The following NFKBID variants were observed in gnomAD, a reference collection of about 807,000 sequenced individuals.
The protein encoded by NFKBID is NFKB inhibitor delta.
NFKBID carries 26 observed loss-of-function variants against 53.4 expected under a neutral mutation model. The observed-to-expected ratio is 0.49, with a 90% CI of 0.36 to 0.68. The LOEUF is 0.68. Among genes scored for constraint, NFKBID ranks in the 30% least tolerant of loss-of-function variants. The pLI is 0.00. For missense variants in NFKBID, 493 were observed against 614.1 expected, an observed-to-expected ratio of 0.80 and a Z score of 2.08; for synonymous variants, 262 against 259.8, an observed-to-expected ratio of 1.01 and a Z score of -0.08.
upstream of NFKBID, chr19:35,902,205 C>T (rs1490892981): frequency 4.3e-6 from 3 of 703,152 alleles, no homozygotes; most frequent in Admixed American, 6.0e-5. Context: ...TTCATCTCTG[C>T]CAGCAGACAC....
At chr19:35,898,674 G>A (rs570942072) in intron 2 of NFKBID, 45 bp downstream of exon 2, 77 of 1,507,968 alleles carry the variant, frequency 5.1e-5, no homozygotes, top group Admixed American at 2.4e-4. Flanking sequence ...GAGTCCCTAC[G>A]GGACAGCACG....
At position 35,896,132 on chromosome 19, in the gene NFKBID, C is replaced by A. The variant is rs1975126492; in HGVS notation, c.884-4G>T. 2 of 1,613,944 alleles carry A rather than the reference C, an allele frequency of 1.2e-6. No homozygotes were observed. The highest frequency in any genetic ancestry group is 1.7e-6 in the Non-Finnish European group (2 of 1,179,960). The stretch of plus-strand genomic sequence containing the variant: ...GCCGTGTGGAGCGGGGTGAGGCCTG[C>A]AGAATGGAGACAGTGAGGGACCCGC... On this transcript the variant is annotated splice_region_variant and splice_polypyrimidine_tract_variant and intron_variant, in intron 8 of 11. Transcript: ENST00000641389. This position sits in a 1 kb window ranked among gnomAD's most constrained non-coding sequence, Gnocchi z 5.7.
chr19:35,900,674 G>A (rs1568499317), upstream of NFKBID: 2 of 1,222,280 alleles, frequency 1.6e-6, no homozygotes, highest in African/African-American at 1.6e-5. Flanking sequence ...TGGGCGCGGC[G>A]GACTTGGGAG....
intron 9 of NFKBID, chr19:35,890,710 A>G (rs1323928605): frequency 3.4e-6 from 2 of 582,290 alleles, no homozygotes; most frequent in African/African-American, 3.7e-5. Context: ...CAAAAAATAG[A>G]AAAATTAGCC....
chr19:35,888,314 C>G, exon 12 of NFKBID: 2 of 524,120 alleles, frequency 3.8e-6, no homozygotes, highest in Non-Finnish European at 6.9e-6. Context: ...TTCACAGAAA[C>G]AATCAAGGGG....
chr19:35,900,754 C>A (rs1401846738), upstream of NFKBID: 8 of 659,444 alleles, frequency 1.2e-5, no homozygotes, highest in Non-Finnish European at 1.7e-5. Flanking sequence ...GAGCCTAGGG[C>A]ACCGGGCTCC....
At position 35,896,309 on chromosome 19, in the gene NFKBID, C is replaced by T; in HGVS notation, c.832-40G>A. The T allele has an allele frequency of 6.2e-7, 1 of 1,613,940 alleles. No homozygotes were observed. The highest frequency in any genetic ancestry group is 1.1e-5 in the South Asian group (1 of 91,076). The stretch of plus-strand genomic sequence containing the variant: ...AGGCAGACTGCTGGGTAAGGGTATC[C>T]CCTGGCCTCCTGGCCCTGGAAGCCA... On this transcript the variant is annotated intron_variant, in intron 7 of 11. Coordinates refer to ENST00000641389, the Ensembl canonical transcript of NFKBID. The surrounding 1 kb of genome is among the most constrained non-coding windows in gnomAD (Gnocchi z 5.7).
chr19:35,899,617 G>GA (rs2042848804), intron 1 of NFKBID: 1 of 145,790 alleles, frequency 6.9e-6, no homozygotes. Flanking sequence ...CAGGCCCCAG[G>GA]AATCTGGACC....
In NFKBID at chr19:35,896,104, A is replaced by G. The variant is rs759759501; in HGVS notation, c.908T>C (p.Ile303Thr). 6.2e-7 allele frequency: 1 copy of G among 1,614,172 alleles called. No individual in the cohort carries two copies. Among genetic ancestry groups the G allele is most frequent in the Non-Finnish European group, 8.5e-7 (1 of 1,180,004 alleles). The change falls in exon 9 of 12, where the codon ATC becomes ACC. Residue 303 changes from isoleucine to threonine, a missense_variant. Ile to Thr is a moderately conservative substitution (Grantham distance 89). Around this residue, in one of 2 missense-constraint regions of NFKBID, gnomAD observed 267 missense variants for 384.6 expected, o/e 0.69. Coordinates refer to ENST00000641389, the Ensembl canonical transcript of NFKBID. The surrounding 1 kb of genome is among the most constrained non-coding windows in gnomAD (Gnocchi z 5.7). ...GCGCATAGCAACGTTAAGGGCCAGG[A>G]TGGCCGTGTGGAGCGGGGTGAGGCC...
chr19:35,897,601 T>C (rs1314285195), intron 4 of NFKBID, 50 bp downstream of exon 4: 1 of 918,204 alleles, frequency 1.1e-6, no homozygotes, highest in Non-Finnish European at 1.8e-6. Flanking sequence ...GGAGTGCAAC[T>C]GCGAATTTTT....
chr19:35,888,494 C>T, exon 12 of NFKBID: 1 of 1,142,286 alleles, frequency 8.8e-7, no homozygotes. Context: ...GCAACATTAG[C>T]ATACGCTGGC....
intron 3 of NFKBID, 124 bp downstream of exon 3, chr19:35,898,348 C>CAG: frequency 1.5e-6 from 1 of 671,378 alleles, no homozygotes; most frequent in Non-Finnish European, 2.5e-6. Flanking sequence ...GATCCTGTCT[C>CAG]AGAAAAAAAA....
intron 9 of NFKBID, 53 bp from the exon 10 acceptor site, chr19:35,890,543 T>C (rs772375328): frequency 2.5e-6 from 3 of 1,202,342 alleles, no homozygotes; most frequent in Non-Finnish European, 3.7e-6. Context: ...CTAGGTGCCC[T>C]CCCACAGAAT....
Position 35,890,322 on chromosome 19 carries a change from G to GC in NFKBID, c.1149+51dup, listed in dbSNP as rs996878372. 2.4e-4 allele frequency: 302 copies of GC among 1,242,930 alleles called. 1 individual carries two copies. The Middle Eastern group carries it at 5.3e-3, about 22-fold the overall frequency. The allele number at this position is 1,242,930 out of a possible 1,614,324, so 77.0% of individuals were successfully genotyped here. Reference sequence around the variant, plus strand: ...CCCCCAGGACCCCTAACATCCCACTGCCCCCCCTACCGTACCCCACACAAT... The same window carrying GC: ...CCCCCAGGACCCCTAACATCCCACTGCCCCCCCCTACCGTACCCCACACAAT... On this transcript the variant is annotated intron_variant, in intron 10 of 11. Transcript: ENST00000641389.
intron 1 of NFKBID, among the ~76,000 whole-genome samples, chr19:35,899,434 A>G (rs192659015): frequency 0.011 from 1,724 of 151,980 alleles, 17 homozygotes; most frequent in African/African-American, 0.02. Context: ...GCGTGGTGGC[A>G]GGCGGCTGTA....
intron 2 of NFKBID, 38 bp downstream of exon 2, chr19:35,898,681 C>A: frequency 6.6e-7 from 1 of 1,519,678 alleles, no homozygotes; most frequent in Non-Finnish European, 8.8e-7. Context: ...TACGGGACAG[C>A]ACGGGGCCTC....
chr19:35,889,959 G>T (rs1482013135), exon 11 of NFKBID: 1 of 1,611,804 alleles, frequency 6.2e-7, no homozygotes, highest in East Asian at 2.2e-5. Context: ...GCAGTGTGGG[G>T]TCCGCCCCAG....
chr19:35,898,839 A>T lies in NFKBID; in HGVS notation c.62-17T>A. 1 of 1,531,378 alleles carries T rather than the reference A, an allele frequency of 6.5e-7. No individual in the cohort carries two copies. The highest frequency in any genetic ancestry group is 8.8e-7 in the Non-Finnish European group (1 of 1,142,836). 94.9% of individuals were successfully genotyped at this position (1,531,378 alleles called of 1,614,324 possible). The stretch of plus-strand genomic sequence containing the variant: ...CCCTGCTCACTGTGCGGGAGAGGAG[A>T]GGGGGAAGTCATCAAGGGTCCTTAA... On this transcript the variant is annotated splice_polypyrimidine_tract_variant and intron_variant, in intron 1 of 11. Transcript: ENST00000641389.
chr19:35,888,426 T>C (rs1298082210), exon 12 of NFKBID: 3 of 691,630 alleles, frequency 4.3e-6, no homozygotes, highest in Non-Finnish European at 7.7e-6. Context: ...GCAGCCATTC[T>C]GGGGTTTTAA....
Sources: allele counts gnomAD v4.1 joint callset (sites outside exome capture counted in the v4.1 genomes callset), GRCh38; gene constraint gnomAD v4.1.1; regional missense constraint gnomAD v4.1.1; non-coding constraint Gnocchi (gnomAD v3.1); transcripts MANE v1.5; gene names NCBI Gene and HGNC (gene_info 2026-07-23, HGNC 2026-07-21).